Variants in AJAP1 observed in about 807,000 individuals in gnomAD.
The protein encoded by AJAP1 is adherens junction-associated protein 1.
Under a neutral mutation model 35.0 loss-of-function variants are expected in AJAP1, and 5 were observed. The observed-to-expected ratio is 0.14, with a 90% confidence interval of 0.07 to 0.30. The LOEUF (loss-of-function observed/expected upper bound fraction) is 0.30, where lower values mean the gene tolerates loss of function less well. Among genes scored for constraint, AJAP1 ranks in the 10% least tolerant of loss-of-function variants. The pLI is 1.00. For missense variants in AJAP1, 586 were observed against 571.0 expected (o/e 1.03, Z -0.27); for synonymous variants, 284 against 249.3 (o/e 1.14, Z -1.31).
intron 2 of AJAP1, among the ~76,000 whole-genome samples, chr1:4,732,175 A>G (rs116558906): frequency 0.013 from 1,907 of 152,350 alleles, 41 homozygotes; most frequent in African/African-American, 0.042. Context: ...GAAGGGCCCC[A>G]TGATGTGGGG....
chr1:4,695,393 G>A (rs929376143), intron 1 of AJAP1, among the ~76,000 whole-genome samples: 10 of 152,172 alleles, frequency 6.6e-5, no homozygotes, highest in Non-Finnish European at 1.3e-4. Flanking sequence ...GCCCATGAGG[G>A]TCAGGAGGCC....
intron 1 of AJAP1, among the ~76,000 whole-genome samples, chr1:4,677,339 T>G (rs1420785020): frequency 6.6e-6 from 1 of 152,140 alleles, no homozygotes; most frequent in Non-Finnish European, 1.5e-5. Context: ...GTAGGGCTCC[T>G]AAAGGTTGAG....
chr1:4,661,256 C>G (rs556399480), intron 1 of AJAP1, among the ~76,000 whole-genome samples: 1 of 152,330 alleles, frequency 6.6e-6, no homozygotes, highest in South Asian at 2.1e-4. Context: ...CTTTTCACAT[C>G]CAGATGGGAG....
In AJAP1 at chr1:4,769,894, A is replaced by T; in HGVS notation, c.871A>T (p.Ile291Phe). The T allele has an allele frequency of 2.5e-6, 4 of 1,614,036 alleles. No homozygotes were observed. Among genetic ancestry groups the T allele is most frequent in the Non-Finnish European group, 2.5e-6 (3 of 1,179,988 alleles). ...HQIITITVSL[I>F]MVIAALITTL... is the part of the protein sequence containing the mutation. The stretch of plus-strand genomic sequence containing the variant: ...GATCATCACCATCACCGTCTCCCTC[A>T]TCATGGTCATAGCTGCTCTCATCAC... The change falls in exon 3 of 6, where the codon ATC becomes TTC. Residue 291 changes from isoleucine (I) to phenylalanine (F), a missense_variant. Ile to Phe is a conservative substitution (Grantham distance 21, BLOSUM62 0). Coordinates refer to ENST00000378191, the MANE Select transcript of AJAP1 (RefSeq NM_018836.4).
In AJAP1 at chr1:4,780,727, G is replaced by T. The variant is rs1642043321; in HGVS notation, c.*60-1818G>T. Among the ~76,000 whole-genome samples the T allele has an allele frequency of 2.0e-5, 3 of 151,264 alleles. No individual in the cohort carries two copies. The South Asian group carries it at 6.3e-4, about 32-fold the overall frequency. Reference sequence around the variant, plus strand: ...GCTCACTGCAACCTCTGCCTCCCGGGTTCAAGTAATTCTCATGCCTCAACC... The same window carrying T: ...GCTCACTGCAACCTCTGCCTCCCGGTTTCAAGTAATTCTCATGCCTCAACC... On this transcript the variant is annotated intron_variant, in intron 5 of 5. Transcript: ENST00000378191.
chr1:4,712,590 G>A lies in AJAP1; in HGVS notation c.720G>A (p.Leu240=). 6.2e-7 allele frequency: 1 copy of A among 1,606,010 alleles called. No individual in the cohort carries two copies. Among genetic ancestry groups the A allele is most frequent in the South Asian group, 1.1e-5 (1 of 89,894 alleles). Residue 240 remains leucine (L), a synonymous_variant, in exon 2 of 6, where the codon TTG becomes TTA. Coordinates refer to ENST00000378191, the MANE Select transcript of AJAP1 (RefSeq NM_018836.4). Reference sequence around the variant, plus strand: ...AGACTAAGGGGTTCACCGAGTCCTTGGATCCCCGGAGAAGGATCCCAGGTG... The same window carrying A: ...AGACTAAGGGGTTCACCGAGTCCTTAGATCCCCGGAGAAGGATCCCAGGTG... ...TLQTKGFTES[L]DPRRRIPGGV...
intron 3 of AJAP1, among the ~76,000 whole-genome samples, chr1:4,771,141 GAGCTTAT>G (rs1168825248): frequency 6.6e-6 from 1 of 152,134 alleles, no homozygotes; most frequent in African/African-American, 2.4e-5. Flanking sequence ...TCTCACACTC[GAGCTTAT>G]AGCAGACCTT....
chr1:4,756,385 C>T (rs931014413), intron 2 of AJAP1, among the ~76,000 whole-genome samples: 6 of 152,174 alleles, frequency 3.9e-5, no homozygotes, highest in South Asian at 4.1e-4. Context: ...GCGGTAGTCT[C>T]ATGGCATGGC....
chr1:4,717,087 T>G (rs528675311), intron 2 of AJAP1, among the ~76,000 whole-genome samples: 1 of 152,280 alleles, frequency 6.6e-6, no homozygotes, highest in South Asian at 2.1e-4. Flanking sequence ...CTATGACAGC[T>G]CTCTTGCTGG....
chr1:4,682,497 A>G (rs1284668811), intron 1 of AJAP1, among the ~76,000 whole-genome samples: 1 of 152,074 alleles, frequency 6.6e-6, no homozygotes, highest in Non-Finnish European at 1.5e-5. Context: ...CTGAGTTTTC[A>G]TGTCCCCATC....
chr1:4,712,387 C>A lies in AJAP1; in HGVS notation c.517C>A (p.Arg173=), dbSNP rs563247718. 26 of 1,556,294 alleles carry A rather than the reference C, an allele frequency of 1.7e-5. No individual in the cohort carries two copies. The highest frequency in any genetic ancestry group is 2.1e-5 in the Non-Finnish European group (24 of 1,149,606). Residue 173 remains arginine (R), a synonymous_variant, in exon 2 of 6, where the codon CGG becomes AGG. Transcript: ENST00000378191. ...CAGCAGCTTCGACTCCAGAGGCAGCCGGCCCACCACAGAGACTGAGTTCAT... is the reference window on the plus strand; with the variant it reads ...CAGCAGCTTCGACTCCAGAGGCAGCAGGCCCACCACAGAGACTGAGTTCAT... ...GLSSFDSRGS[R]PTTETEFIAW...
intron 2 of AJAP1, among the ~76,000 whole-genome samples, chr1:4,763,395 C>T (rs988276742): frequency 5.3e-5 from 8 of 152,184 alleles, no homozygotes; most frequent in African/African-American, 1.9e-4. Flanking sequence ...TGTCCCAAGC[C>T]GGAAGGACTT....
In AJAP1 at chr1:4,708,475, C is replaced by T. The variant is rs1236569374; in HGVS notation, c.30-3425C>T. ...GATGCCCTATGGGGTGAGGCCCTCC[C>T]GAAATCTGTTCATCATGAAATGAGA... On this transcript the variant is annotated intron_variant, in intron 1 of 5. Transcript: ENST00000378191. 1.1e-4 allele frequency among the ~76,000 whole-genome samples: 17 copies of T among 152,286 alleles called. No homozygotes were observed. The East Asian group carries it at 2.5e-3, about 23-fold the overall frequency.
At chr1:4,765,920 AC>A (rs1366317539) in intron 2 of AJAP1, among the ~76,000 whole-genome samples, 1 of 152,126 alleles carries the variant, frequency 6.6e-6, no homozygotes, top group African/African-American at 2.4e-5. Context: ...CTCTGAAACC[AC>A]CTTGACAGTG....
intron 1 of AJAP1, among the ~76,000 whole-genome samples, chr1:4,688,206 C>T (rs575952996): frequency 8.0e-4 from 121 of 152,168 alleles, no homozygotes; most frequent in African/African-American, 2.0e-3. Context: ...AGTGACACTT[C>T]GGAGGTTGGT....
At chr1:4,668,636 C>T (rs559496735) in intron 1 of AJAP1, among the ~76,000 whole-genome samples, 4 of 152,216 alleles carry the variant, frequency 2.6e-5, no homozygotes, top group South Asian at 2.1e-4. Flanking sequence ...GGAGTGTGCC[C>T]GTAACTCAGG....
chr1:4,743,930 G>A (rs1641127172), intron 2 of AJAP1, among the ~76,000 whole-genome samples: 1 of 20,924 alleles, frequency 4.8e-5, no homozygotes, highest in African/African-American at 1.9e-4. Flanking sequence ...CACTGAGAGA[G>A]CTCTCCAGGC....
At chr1:4,686,463 C>T (rs1393948616) in intron 1 of AJAP1, among the ~76,000 whole-genome samples, 1 of 152,070 alleles carries the variant, frequency 6.6e-6, no homozygotes, top group Non-Finnish European at 1.5e-5. Context: ...CTTTGGGCTC[C>T]CAGAATAACC....
intron 1 of AJAP1, among the ~76,000 whole-genome samples, chr1:4,699,886 C>T (rs1273164630): frequency 1.3e-5 from 2 of 152,230 alleles, no homozygotes; most frequent in Non-Finnish European, 2.9e-5. Context: ...CTGTGAGATG[C>T]TTAGCTCACT....
Sources: allele counts gnomAD v4.1 joint callset (sites outside exome capture counted in the v4.1 genomes callset), GRCh38; gene constraint gnomAD v4.1.1; transcripts MANE v1.5; gene names NCBI Gene and HGNC (gene_info 2026-07-23, HGNC 2026-07-21).